The following STK33 variants were observed in gnomAD, a reference collection of about 807,000 sequenced individuals.
STK33 encodes the protein serine/threonine kinase 33.
A neutral mutation model predicts 58.0 loss-of-function variants in STK33; 52 were observed. The ratio of observed to expected loss-of-function variants is 0.90; its 90% CI spans 0.72 to 1.13. The LOEUF (loss-of-function observed/expected upper bound fraction) is 1.13. Among genes scored for constraint, STK33 ranks in the 50% most tolerant of loss-of-function variants. STK33 has a pLI of 0.00. For synonymous variants in STK33, 215 were observed against 200.1 expected, an observed-to-expected ratio of 1.07 and a Z score of -0.63; for missense variants, 630 against 604.2, an observed-to-expected ratio of 1.04 and a Z score of -0.45.
chr11:8,435,868 C>A (rs1000059383), intron 13 of STK33, among the ~76,000 whole-genome samples, 159 bp downstream of exon 13: 1 of 152,160 alleles, frequency 6.6e-6, no homozygotes, highest in African/African-American at 2.4e-5. Flanking sequence ...TGATGATGAA[C>A]AATCACAGTG....
At chr11:8,422,148 A>G (rs1405367948) in intron 14 of STK33, among the ~76,000 whole-genome samples, 1 of 152,106 alleles carries the variant, frequency 6.6e-6, no homozygotes, top group Non-Finnish European at 1.5e-5. Flanking sequence ...TTATCAGGTT[A>G]AGGAAGTTTT....
chr11:8,588,448 A>C (rs760144193), intron 1 of STK33, among the ~76,000 whole-genome samples: 6 of 152,248 alleles, frequency 3.9e-5, no homozygotes, highest in Non-Finnish European at 8.8e-5. Context: ...AGTGTACAAC[A>C]AACAGTCAGG....
At chr11:8,533,795 C>A (rs1027056281) in intron 1 of STK33, among the ~76,000 whole-genome samples, 9 of 152,108 alleles carry the variant, frequency 5.9e-5, no homozygotes. Flanking sequence ...TTATTTATTA[C>A]ATGGTTTCTC....
At position 8,415,696 on chromosome 11, in the gene STK33, A is replaced by T. The variant is rs1369071913; in HGVS notation, c.1147-2004T>A. Among the ~76,000 whole-genome samples the T allele has an allele frequency of 2.6e-5, 4 of 152,090 alleles. No homozygotes were observed. In the East Asian group the frequency reaches 7.7e-4, roughly 29 times the overall value. ...CCAAAGCAAACATTTACATTCTGTA[A>T]ATCACCTCTAAGAAGCCTTAAAAAG... is the stretch of plus-strand genomic sequence containing the variant. On this transcript the variant is annotated intron_variant, in intron 14 of 15. Transcript: ENST00000687296.
chr11:8,517,247 C>T (rs1952884934), intron 1 of STK33, among the ~76,000 whole-genome samples: 2 of 152,182 alleles, frequency 1.3e-5, no homozygotes, highest in South Asian at 4.1e-4. Context: ...CCAGCAAACT[C>T]CAACAGACCT....
At chr11:8,567,925 C>T (rs536129844) in intron 1 of STK33, among the ~76,000 whole-genome samples, 9 of 152,230 alleles carry the variant, frequency 5.9e-5, no homozygotes, top group Middle Eastern at 3.4e-3. Context: ...CAATATTCAA[C>T]GGCTTCTACA....
intron 1 of STK33, among the ~76,000 whole-genome samples, chr11:8,592,099 AAC>A (rs544274110): frequency 1.6e-3 from 239 of 152,236 alleles, no homozygotes; most frequent in Non-Finnish European, 1.5e-3. Context: ...AGTTCAGAAA[AAC>A]AAGCAATCAG....
the STK33 span, among the ~76,000 whole-genome samples, chr11:8,342,661 T>G: frequency 2.0e-5 from 3 of 152,238 alleles, no homozygotes; most frequent in Non-Finnish European, 4.4e-5. Context: ...CTGCATGACA[T>G]GCTTATGAGG....
chr11:8,577,880 A>G (rs1958298029), intron 1 of STK33, among the ~76,000 whole-genome samples: 1 of 152,130 alleles, frequency 6.6e-6, no homozygotes, highest in African/African-American at 2.4e-5. Context: ...GCATTTTTAT[A>G]TGGTAACTTT....
chr11:8,440,862 T>C lies in STK33; in HGVS notation c.872-109A>G, dbSNP rs1016893100. On this transcript the variant is annotated intron_variant, in intron 11 of 15. Coordinates refer to ENST00000687296, the MANE Select transcript of STK33 (RefSeq NM_001352389.2). ...TGATGTGCTGTAATTTATTCCCCCA[T>C]AGGGAAAAGAGAACCAACAGCAGAT... The C allele has an allele frequency of 4.0e-5, 44 of 1,108,304 alleles. 1 individual carries two copies. Among genetic ancestry groups the C allele is most frequent in the African/African-American group, 1.1e-4 (7 of 63,694 alleles). 68.7% of individuals were successfully genotyped at this position (1,108,304 alleles called of 1,614,324 possible). A position where few individuals can be genotyped will look rare whatever the true frequency, so the allele number is the denominator to read the frequency against.
chr11:8,544,869 CTA>C (rs1955795330), intron 1 of STK33, among the ~76,000 whole-genome samples: 1 of 152,144 alleles, frequency 6.6e-6, no homozygotes, highest in African/African-American at 2.4e-5. Context: ...ACAAATGTTT[CTA>C]TGAGAAATAA....
chr11:8,420,841 A>G (rs538902394), intron 14 of STK33, among the ~76,000 whole-genome samples: 1 of 151,946 alleles, frequency 6.6e-6, no homozygotes, highest in Non-Finnish European at 1.5e-5. Context: ...TACAAAAATA[A>G]TTTTTTTAAT....
At chr11:8,516,440 A>T (rs1303472012) in intron 1 of STK33, among the ~76,000 whole-genome samples, 1 of 152,234 alleles carries the variant, frequency 6.6e-6, no homozygotes, top group Non-Finnish European at 1.5e-5. Context: ...GCGACAAAGA[A>T]GATGGGTGAT....
chr11:8,436,335 A>T (rs1944064157), intron 12 of STK33, among the ~76,000 whole-genome samples, 196 bp from the exon 13 acceptor site: 1 of 152,196 alleles, frequency 6.6e-6, no homozygotes, highest in Non-Finnish European at 1.5e-5. Flanking sequence ...TTATTTCAAC[A>T]TTGAGAGGAA....
chr11:8,513,234 A>T (rs1952485978), intron 1 of STK33, among the ~76,000 whole-genome samples: 1 of 152,272 alleles, frequency 6.6e-6, no homozygotes, highest in Non-Finnish European at 1.5e-5. Context: ...GGAAATCAAG[A>T]ACCTGCTGGT....
At chr11:8,460,787 T>C (rs184574450) in intron 8 of STK33, among the ~76,000 whole-genome samples, 20 of 152,248 alleles carry the variant, frequency 1.3e-4, no homozygotes, top group Non-Finnish European at 7.4e-5. Context: ...GATTTGGGGA[T>C]AAAAGAAATC....
chr11:8,446,269 T>TG (rs1223748579), intron 11 of STK33, among the ~76,000 whole-genome samples: 3 of 105,954 alleles, frequency 2.8e-5, no homozygotes, highest in Non-Finnish European at 5.9e-5. Flanking sequence ...TCTTCTCTCT[T>TG]TTTTCTTATT....
At chr11:8,586,089 T>C (rs1227703084) in intron 1 of STK33, among the ~76,000 whole-genome samples, 1 of 151,726 alleles carries the variant, frequency 6.6e-6, no homozygotes, top group African/African-American at 2.4e-5. Flanking sequence ...TGGCAGTGCA[T>C]GCTTGTGCTC....
At chr11:8,418,943 GT>G (rs1051678839) in intron 14 of STK33, among the ~76,000 whole-genome samples, 2 of 150,674 alleles carry the variant, frequency 1.3e-5, no homozygotes, top group Non-Finnish European at 3.0e-5. Context: ...TAATGAGGTT[GT>G]TTTTTTTTCT....
Sources: allele counts gnomAD v4.1 joint callset (sites outside exome capture counted in the v4.1 genomes callset), GRCh38; gene constraint gnomAD v4.1.1; transcripts MANE v1.5; gene names NCBI Gene and HGNC (gene_info 2026-07-23, HGNC 2026-07-21).